Variants in NCAM2 observed in about 807,000 individuals in gnomAD.
NCAM2 encodes the protein neural cell adhesion molecule 2.
NCAM2 carries 30 observed loss-of-function variants against 98.1 expected under a neutral mutation model. The observed-to-expected ratio is 0.31, with a 90% CI of 0.23 to 0.41. NCAM2 has a LOEUF of 0.41. NCAM2 is among the 10% of genes least tolerant of loss of function. The probability of loss-of-function intolerance (pLI) is 1.00; values close to 1 mark genes in which losing one functional copy is unlikely to be tolerated. For missense variants in NCAM2, 867 were observed against 1,005.8 expected (o/e 0.86, Z 1.87); for synonymous variants, 368 against 342.4 (o/e 1.07, Z -0.83).
intron 1 of NCAM2, among the ~76,000 whole-genome samples, chr21:21,277,864 G>A (rs2072784170): frequency 6.6e-6 from 1 of 151,832 alleles, no homozygotes; most frequent in Non-Finnish European, 1.5e-5. Context: ...AAATTAATGA[G>A]TGCGTGTATT....
intron 9 of NCAM2, among the ~76,000 whole-genome samples, chr21:21,389,454 A>G (rs1346891854): frequency 1.3e-5 from 2 of 152,206 alleles, no homozygotes; most frequent in African/African-American, 2.4e-5. Flanking sequence ...TCTAAGTCTT[A>G]TAGCTATTTT....
chr21:21,352,584 A>G (rs1421077978), intron 8 of NCAM2, among the ~76,000 whole-genome samples: 2 of 151,976 alleles, frequency 1.3e-5, no homozygotes, highest in Non-Finnish European at 2.9e-5. Context: ...GTCATTGACC[A>G]TGTTAGTTCT....
chr21:21,361,617 T>C (rs566064123), intron 8 of NCAM2, among the ~76,000 whole-genome samples: 1 of 152,272 alleles, frequency 6.6e-6, no homozygotes, highest in East Asian at 1.9e-4. Flanking sequence ...TCTTACGGCT[T>C]TAATGATCAA....
chr21:21,051,864 TG>T (rs773855233), intron 1 of NCAM2, among the ~76,000 whole-genome samples: 296 of 152,336 alleles, frequency 1.9e-3, no homozygotes, highest in Non-Finnish European at 2.9e-3. Flanking sequence ...ATTTCTGATG[TG>T]GTAATAACAG....
intron 1 of NCAM2, among the ~76,000 whole-genome samples, chr21:21,017,831 A>G (rs1275850281): frequency 6.6e-6 from 1 of 152,110 alleles, no homozygotes; most frequent in South Asian, 2.1e-4. Flanking sequence ...TTTATGTAAC[A>G]TATATATTTG....
chr21:21,449,399 A>G (rs1233077023), intron 12 of NCAM2, among the ~76,000 whole-genome samples: 4 of 151,824 alleles, frequency 2.6e-5, no homozygotes, highest in Non-Finnish European at 1.5e-5. Context: ...AGCTCATCTG[A>G]CTGCTCAAAC....
At chr21:21,459,988 T>C (rs796094670) in intron 12 of NCAM2, among the ~76,000 whole-genome samples, 14 of 152,058 alleles carry the variant, frequency 9.2e-5, no homozygotes, top group African/African-American at 3.4e-4. Flanking sequence ...GGTAGATATG[T>C]TTAATTAGCT....
chr21:21,502,277 T>C (rs1001874144), intron 15 of NCAM2, among the ~76,000 whole-genome samples: 13 of 151,952 alleles, frequency 8.6e-5, no homozygotes, highest in African/African-American at 3.1e-4. Flanking sequence ...ATTCTCTCAA[T>C]TTTCTATCCA....
rs758879590 is a variant in NCAM2, at chr21:20,998,590, G to A, written c.27G>A (p.Leu9=). 1 of 1,614,034 alleles carries A rather than the reference G, an allele frequency of 6.2e-7. No homozygotes were observed. The highest frequency in any genetic ancestry group is 2.2e-5 in the East Asian group (1 of 44,876). ...TGAGCCTCCTCCTCTCCTTCTACCT[G>A]CTGGGGTTGCTTGTCAGTAGCGGGC... is the stretch of plus-strand genomic sequence containing the variant. MSLLLSFY[L]LGLLVSSGQA... The change falls in exon 1 of 18, where the codon CTG becomes CTA. Residue 9 remains leucine (L), a synonymous_variant. Transcript: ENST00000400546.
chr21:21,213,318 TA>T (rs1555829184), intron 1 of NCAM2, among the ~76,000 whole-genome samples: 1 of 152,170 alleles, frequency 6.6e-6, no homozygotes, highest in Non-Finnish European at 1.5e-5. Context: ...AACTATTGAC[TA>T]AAGGTTAAGC....
chr21:21,468,799 A>G lies in NCAM2; in HGVS notation c.1896+16A>G, dbSNP rs1201069249. 1.4e-5 allele frequency: 23 copies of G among 1,605,132 alleles called. No individual in the cohort carries two copies. Among genetic ancestry groups the G allele is most frequent in the Non-Finnish European group, 2.0e-5 (23 of 1,174,576 alleles). On this transcript the variant is annotated intron_variant, in intron 14 of 17. Transcript: ENST00000400546. ...ATATAGAAGTGTAAGTACCTTGTTTATTGTCATATCATGCTAGGTTTTTTC... is the reference window on the plus strand; with the variant it reads ...ATATAGAAGTGTAAGTACCTTGTTTGTTGTCATATCATGCTAGGTTTTTTC...
chr21:21,485,360 A>G (rs933825846), intron 15 of NCAM2, among the ~76,000 whole-genome samples: 2 of 152,160 alleles, frequency 1.3e-5, no homozygotes, highest in Non-Finnish European at 2.9e-5. Context: ...TTCTAACATA[A>G]GTAGTTATTT....
At chr21:21,284,950 G>A (rs1268890612) in intron 3 of NCAM2, among the ~76,000 whole-genome samples, 1 of 151,568 alleles carries the variant, frequency 6.6e-6, no homozygotes, top group South Asian at 2.1e-4. Flanking sequence ...TTCTTCCTAT[G>A]TTCCTTTCTC....
At chr21:21,002,906 A>G (rs112684866) in intron 1 of NCAM2, among the ~76,000 whole-genome samples, 10 of 152,238 alleles carry the variant, frequency 6.6e-5, no homozygotes, top group African/African-American at 2.4e-4. Context: ...AAGATTATAA[A>G]TTTGTTTTAA....
intron 11 of NCAM2, among the ~76,000 whole-genome samples, chr21:21,419,305 CTTTTTTTTTTT>C (rs34109924): frequency 1.1e-4 from 11 of 99,958 alleles, no homozygotes; most frequent in African/African-American, 3.9e-4. Context: ...AAATAGGGAA[CTTTTTTTTTTT>C]TTTTTTTTTT....
chr21:21,497,493 T>G (rs923811434), intron 15 of NCAM2, among the ~76,000 whole-genome samples: 1 of 152,102 alleles, frequency 6.6e-6, no homozygotes, highest in Non-Finnish European at 1.5e-5. Flanking sequence ...AAAAAGCAAA[T>G]AAAAGGATAT....
chr21:21,300,359 A>G (rs1390307330), intron 5 of NCAM2, among the ~76,000 whole-genome samples: 2 of 152,198 alleles, frequency 1.3e-5, no homozygotes, highest in East Asian at 3.9e-4. Context: ...GCCAAGCTTC[A>G]CAAATTGTTT....
chr21:21,451,529 G>T (rs1311247140), intron 12 of NCAM2, among the ~76,000 whole-genome samples: 1 of 152,034 alleles, frequency 6.6e-6, no homozygotes, highest in Non-Finnish European at 1.5e-5. Context: ...AGACATTTTA[G>T]TAAAATTAAA....
chr21:21,277,658 G>T (rs1369588820), intron 1 of NCAM2, among the ~76,000 whole-genome samples: 1 of 152,016 alleles, frequency 6.6e-6, no homozygotes, highest in African/African-American at 2.4e-5. Context: ...ACTTGGAAAG[G>T]CAAGTTTCCT....
Sources: gnomAD v4.1 joint callset for allele counts (sites outside exome capture counted in the v4.1 genomes callset) on GRCh38, gnomAD v4.1.1 for gene constraint, MANE v1.5 for transcripts, NCBI Gene and HGNC (gene_info 2026-07-23, HGNC 2026-07-21) for gene names.